Variants in KCNT2 observed in about 807,000 individuals in gnomAD.
KCNT2 encodes potassium channel subfamily T member 2.
In KCNT2, 67 loss-of-function variants were observed where a neutral mutation model predicts 153.8. The ratio of observed to expected loss-of-function variants is 0.44; its 90% CI spans 0.36 to 0.53. The LOEUF (loss-of-function observed/expected upper bound fraction) is 0.53. Ranked by LOEUF, KCNT2 falls within the 20% of genes least tolerant of loss-of-function variation. KCNT2 has a pLI of 0.00. For missense variants in KCNT2, 975 were observed against 1,354.8 expected (o/e 0.72, Z 4.40); for synonymous variants, 500 against 458.8 (o/e 1.09, Z -1.15).
rs145275372 is a variant in KCNT2 at position 196,251,786 on chromosome 1, G to C, written c.3211+6408C>G. Among the ~76,000 whole-genome samples, 515 of 151,958 alleles carry C rather than the reference G, an allele frequency of 3.4e-3. 4 individuals carry two copies. Among genetic ancestry groups the C allele is most frequent in the African/African-American group, 0.012 (497 of 41,508 alleles). On this transcript the variant is annotated intron_variant, in intron 26 of 27. Coordinates refer to ENST00000294725, the MANE Select transcript of KCNT2 (RefSeq NM_198503.5). The stretch of plus-strand genomic sequence containing the variant: ...GTTATAACACAAAGAAATAATATAT[G>C]CTTGAGATTATAGAAACCTTATTAA...
At chr1:196,236,106 C>A in intron 26 of KCNT2, 36 bp from the exon 27 acceptor site, 1 of 1,137,876 alleles carries the variant, frequency 8.8e-7, no homozygotes, top group Admixed American at 1.7e-5. Context: ...TGTTATACTG[C>A]TTATAGAAAA....
intron 12 of KCNT2, among the ~76,000 whole-genome samples, chr1:196,414,086 TA>T (rs1035811121): frequency 6.6e-6 from 1 of 151,376 alleles, no homozygotes; most frequent in South Asian, 2.1e-4. Context: ...ATCATATATA[TA>T]AAAAAAAGTT....
rs201838940 is a variant in KCNT2, at chr1:196,426,650, AAT to A, written c.985-664_985-663del. 9.5e-4 allele frequency among the ~76,000 whole-genome samples: 145 copies of A among 152,048 alleles called. 3 individuals are homozygous for A. The East Asian group carries it at 0.025, about 27-fold the overall frequency. On this transcript the variant is annotated intron_variant, in intron 10 of 27. Transcript: ENST00000294725. ...AACATTCACCATTTTACTGCTGTAA[AAT>A]ATATCTACTAGGAATTTCTGGAGTT...
At chr1:196,390,177 T>G (rs1181272892) in intron 13 of KCNT2, among the ~76,000 whole-genome samples, 2 of 151,656 alleles carry the variant, frequency 1.3e-5, no homozygotes, top group Non-Finnish European at 3.0e-5. Context: ...CATATTTTTT[T>G]ATTTTACTAG....
intron 8 of KCNT2, 30 bp downstream of exon 8, chr1:196,465,263 T>A: frequency 8.8e-7 from 1 of 1,132,652 alleles, no homozygotes; most frequent in Non-Finnish European, 1.3e-6. Context: ...AAATGAAACA[T>A]AACACAAATT....
chr1:196,578,810 C>G (rs1661678945), intron 1 of KCNT2, among the ~76,000 whole-genome samples: 1 of 152,056 alleles, frequency 6.6e-6, no homozygotes, highest in East Asian at 1.9e-4. Context: ...CAAATCCTGT[C>G]GATTCATAAA....
chr1:196,305,381 A>T, intron 21 of KCNT2, 36 bp from the exon 22 acceptor site: 3 of 1,071,474 alleles, frequency 2.8e-6, no homozygotes, highest in Non-Finnish European at 4.4e-6. Context: ...TACACTAACA[A>T]TCCAATATGG....
chr1:196,345,453 G>T (rs914435840), intron 14 of KCNT2, among the ~76,000 whole-genome samples: 3 of 152,124 alleles, frequency 2.0e-5, no homozygotes, highest in African/African-American at 7.2e-5. Flanking sequence ...CTGGAATTCA[G>T]GGAGGGGGAG....
rs111850538 is a variant in KCNT2, at chr1:196,497,398, T to C, written c.96-5057A>G. 3.8e-3 allele frequency among the ~76,000 whole-genome samples: 573 copies of C among 152,302 alleles called. 3 individuals carry two copies. Among genetic ancestry groups the C allele is most frequent in the African/African-American group, 0.013 (546 of 41,584 alleles). ...GATACAGATCTGTTTTTCTTGTCAT[T>C]ATTCTTTAGGCAATACAGTATACCA... On this transcript the variant is annotated intron_variant, in intron 1 of 27. Coordinates refer to ENST00000294725, the MANE Select transcript of KCNT2 (RefSeq NM_198503.5).
intron 1 of KCNT2, among the ~76,000 whole-genome samples, chr1:196,523,721 A>G (rs1316367479): frequency 6.6e-6 from 1 of 152,218 alleles, no homozygotes; most frequent in Non-Finnish European, 1.5e-5. Context: ...CTGAGGTCAG[A>G]GGATATAAAG....
At chr1:196,547,033 G>A (rs530850189) in intron 1 of KCNT2, among the ~76,000 whole-genome samples, 1 of 152,024 alleles carries the variant, frequency 6.6e-6, no homozygotes, top group East Asian at 1.9e-4. Flanking sequence ...ACAGGATTAT[G>A]CAACATAGAG....
In KCNT2 at chr1:196,292,818, A is replaced by C. The variant is rs1452666577; in HGVS notation, c.2596-7060T>G. Among the ~76,000 whole-genome samples, 32 of 150,632 alleles carry C rather than the reference A, an allele frequency of 2.1e-4. No homozygotes were observed. The South Asian group carries it at 6.4e-3, about 30-fold the overall frequency. ...CAGAGTGAGACTCTGTCTCAAAAAA[A>C]AAAAAAAAAAAAAAAAGGAAGAAGT... On this transcript the variant is annotated intron_variant, in intron 22 of 27. Transcript: ENST00000294725.
intron 1 of KCNT2, among the ~76,000 whole-genome samples, chr1:196,603,038 G>A (rs1205795157): frequency 3.3e-5 from 5 of 150,368 alleles, no homozygotes; most frequent in Non-Finnish European, 5.9e-5. Flanking sequence ...CACCCGCCTC[G>A]GCCTCCCAAA....
chr1:196,290,272 T>C (rs748698146), intron 22 of KCNT2, among the ~76,000 whole-genome samples: 1 of 152,118 alleles, frequency 6.6e-6, no homozygotes, highest in Non-Finnish European at 1.5e-5. Context: ...TTTGACAAAC[T>C]ACATTCTAAT....
chr1:196,454,684 T>A (rs1405721361), intron 8 of KCNT2, among the ~76,000 whole-genome samples: 1 of 151,990 alleles, frequency 6.6e-6, no homozygotes, highest in Non-Finnish European at 1.5e-5. Context: ...CTGGGTTGAA[T>A]TATTTTCCAT....
intron 3 of KCNT2, among the ~76,000 whole-genome samples, chr1:196,485,751 T>C (rs895742185): frequency 3.4e-4 from 51 of 151,694 alleles, no homozygotes; most frequent in African/African-American, 1.2e-3. Flanking sequence ...TAGAAGGAAA[T>C]GTATATATTT....
At chr1:196,395,911 A>G (rs936229919) in intron 13 of KCNT2, among the ~76,000 whole-genome samples, 1 of 151,696 alleles carries the variant, frequency 6.6e-6, no homozygotes, top group Non-Finnish European at 1.5e-5. Context: ...TTTAATACCT[A>G]TGAGAGTACA....
intron 14 of KCNT2, among the ~76,000 whole-genome samples, chr1:196,360,652 C>G (rs939464566): frequency 7.0e-6 from 1 of 143,128 alleles, no homozygotes; most frequent in African/African-American, 3.0e-5. Context: ...GAAATTTGAA[C>G]ACACAAAAGA....
chr1:196,246,574 A>G (rs757283678), intron 26 of KCNT2, among the ~76,000 whole-genome samples: 3 of 152,160 alleles, frequency 2.0e-5, no homozygotes, highest in Non-Finnish European at 4.4e-5. Context: ...AGTTTTCAGG[A>G]CATAGTATAA....
Sources: gnomAD v4.1 joint callset for allele counts (sites outside exome capture counted in the v4.1 genomes callset) on GRCh38, gnomAD v4.1.1 for gene constraint, MANE v1.5 for transcripts, NCBI Gene and HGNC (gene_info 2026-07-23, HGNC 2026-07-21) for gene names.